Variants in CACNG4 observed in about 807,000 individuals in gnomAD.
The protein encoded by CACNG4 is calcium voltage-gated channel auxiliary subunit gamma 4.
In CACNG4, 8 loss-of-function variants were observed where a neutral mutation model predicts 22.9. The observed-to-expected ratio is 0.35, with a 90% CI of 0.21 to 0.63. The LOEUF (loss-of-function observed/expected upper bound fraction) is 0.63. Among genes scored for constraint, CACNG4 ranks in the 30% least tolerant of loss-of-function variants. The pLI is 0.72. For missense variants in CACNG4, 357 were observed against 455.4 expected (o/e 0.78, Z 1.97); for synonymous variants, 188 against 191.9 (o/e 0.98, Z 0.17).
chr17:67,024,828 C>T, intron 2 of CACNG4, 32 bp from the exon 3 acceptor site: 1 of 1,499,282 alleles, frequency 6.7e-7, no homozygotes, highest in Non-Finnish European at 8.9e-7. Context: ...TCTCACTGCC[C>T]TCTGCTTTGT....
chr17:66,981,409 C>T (rs544892070), intron 1 of CACNG4, among the ~76,000 whole-genome samples: 1 of 152,258 alleles, frequency 6.6e-6, no homozygotes, highest in East Asian at 1.9e-4. Context: ...CCTTCATATT[C>T]TTGCAAGCAG....
chr17:67,030,334 A>C lies in CACNG4; in HGVS notation c.446-132A>C, dbSNP rs2035595250. On this transcript the variant is annotated intron_variant, in intron 3 of 3. Coordinates refer to ENST00000262138, the MANE Select transcript of CACNG4 (RefSeq NM_014405.4). The surrounding 1 kb of genome is among the most constrained non-coding windows in gnomAD (Gnocchi z 6.4). The stretch of plus-strand genomic sequence containing the variant: ...TTAATTACTGAAAAGAAAAATTAGC[A>C]ACCAGAATAAAGAAATACTCATCAG... 1 of 766,878 alleles carries C rather than the reference A, an allele frequency of 1.3e-6. No individual in the cohort carries two copies. Among genetic ancestry groups the C allele is most frequent in the African/African-American group, 1.7e-5 (1 of 57,354 alleles). The allele number at this position is 766,878 out of a possible 1,614,324, so 47.5% of individuals were successfully genotyped here. A position where few individuals can be genotyped will look rare whatever the true frequency, so the allele number is the denominator to read the frequency against.
intron 1 of CACNG4, among the ~76,000 whole-genome samples, chr17:67,005,974 A>T (rs2035435107): frequency 6.6e-6 from 1 of 152,174 alleles, no homozygotes; most frequent in Admixed American, 6.5e-5. Context: ...CAGAGGTGAG[A>T]GGTGAGGCAG....
rs200470230 is a variant in CACNG4 at position 67,025,031 on chromosome 17, C to T, written c.445+31C>T. ...CCGCCCGCCCGGGCTGGTGCTGGGC[C>T]GGGAGCTGGGGACACAGGAGTGCCT... is the stretch of plus-strand genomic sequence containing the variant. On this transcript the variant is annotated intron_variant, in intron 3 of 3. Coordinates refer to ENST00000262138, the MANE Select transcript of CACNG4 (RefSeq NM_014405.4). 152 of 1,554,544 alleles carry T rather than the reference C, an allele frequency of 9.8e-5. 1 individual carries two copies. Among genetic ancestry groups the T allele is most frequent in the Admixed American group, 9.2e-4 (50 of 54,630 alleles).
In CACNG4 at chr17:66,966,876, T is replaced by C. The variant is rs72846228; in HGVS notation, c.220+1745T>C. On this transcript the variant is annotated intron_variant, in intron 1 of 3. Coordinates refer to ENST00000262138, the MANE Select transcript of CACNG4 (RefSeq NM_014405.4). Reference sequence around the variant, plus strand: ...TGCAATTGCTCAGATCACGAACACCTACTCCTCTCCTCTGGAGAATGTACC... The same window carrying C: ...TGCAATTGCTCAGATCACGAACACCCACTCCTCTCCTCTGGAGAATGTACC... 9.3e-3 allele frequency among the ~76,000 whole-genome samples: 1,422 copies of C among 152,330 alleles called. 17 individuals carry two copies. The highest frequency in any genetic ancestry group is 0.032 in the African/African-American group (1,310 of 41,572).
chr17:67,022,138 C>T (rs1218556058), intron 2 of CACNG4, among the ~76,000 whole-genome samples: 3 of 150,712 alleles, frequency 2.0e-5, no homozygotes, highest in Non-Finnish European at 2.9e-5. Flanking sequence ...TGCAGTGGCG[C>T]GATCTTGGCT....
At chr17:67,009,897 A>G (rs1454773896) in intron 1 of CACNG4, among the ~76,000 whole-genome samples, 1 of 152,110 alleles carries the variant, frequency 6.6e-6, no homozygotes, top group Non-Finnish European at 1.5e-5. Flanking sequence ...AGAGGACACA[A>G]ATATTCAGAC....
chr17:66,976,575 C>T (rs1052818605), intron 1 of CACNG4, among the ~76,000 whole-genome samples: 3 of 149,634 alleles, frequency 2.0e-5, no homozygotes, highest in African/African-American at 7.5e-5. Context: ...TCCCTCCCTG[C>T]ATCTTCCATT....
At chr17:67,025,741 C>T (rs1046041987) in intron 3 of CACNG4, among the ~76,000 whole-genome samples, 4 of 152,382 alleles carry the variant, frequency 2.6e-5, no homozygotes, top group South Asian at 2.1e-4. Context: ...GTGCCGCACA[C>T]GTGGGCCTCC....
chr17:67,013,719 T>C (rs1282248642), intron 1 of CACNG4, among the ~76,000 whole-genome samples: 1 of 151,702 alleles, frequency 6.6e-6, no homozygotes, highest in Non-Finnish European at 1.5e-5. Context: ...GCAGGAGAAT[T>C]GGTTGAACCC....
chr17:66,997,029 A>T (rs1224942911), intron 1 of CACNG4, among the ~76,000 whole-genome samples: 1 of 152,148 alleles, frequency 6.6e-6, no homozygotes, highest in Non-Finnish European at 1.5e-5. Context: ...TGGGGCCAGC[A>T]ACAGGACTCA....
At chr17:67,021,518 G>A (rs1298380046) in intron 2 of CACNG4, 1 of 152,298 alleles carries the variant, frequency 6.6e-6, no homozygotes, top group East Asian at 1.9e-4. Context: ...TGTGTTGTTT[G>A]TTGCAGAGCC....
At chr17:66,970,435 T>C (rs1179030882) in intron 1 of CACNG4, among the ~76,000 whole-genome samples, 2 of 152,150 alleles carry the variant, frequency 1.3e-5, no homozygotes, top group African/African-American at 4.8e-5. Context: ...CAGTTCCTGG[T>C]GAGGTCCCTC....
intron 1 of CACNG4, among the ~76,000 whole-genome samples, chr17:66,968,737 C>T (rs1246331456): frequency 8.5e-6 from 1 of 117,856 alleles, no homozygotes; most frequent in Non-Finnish European, 1.8e-5. Context: ...TCCTCTCCTC[C>T]CCTCCCCTTC....
At chr17:67,028,694 A>G (rs2035583791) in intron 3 of CACNG4, among the ~76,000 whole-genome samples, 1 of 152,230 alleles carries the variant, frequency 6.6e-6, no homozygotes, top group Admixed American at 6.5e-5. Flanking sequence ...TGAGGTGTGG[A>G]CCACAGTTAC....
At chr17:66,991,696 G>A (rs1197700933) in intron 1 of CACNG4, among the ~76,000 whole-genome samples, 1 of 152,130 alleles carries the variant, frequency 6.6e-6, no homozygotes, top group Non-Finnish European at 1.5e-5. Context: ...TTAACCCTGA[G>A]TAAGACCTGA....
rs1334779642 is a variant in CACNG4, at chr17:67,030,774, G to T, written c.754G>T (p.Ala252Ser). 6.2e-7 allele frequency: 1 copy of T among 1,614,180 alleles called. No individual in the cohort carries two copies. ...GAGGTCCAGCTCAAGGTCCACCGAGGCCTCGCCCTCCAGGGACGTGTCGCC... is the reference window on the plus strand; with the variant it reads ...GAGGTCCAGCTCAAGGTCCACCGAGTCCTCGCCCTCCAGGGACGTGTCGCC... ...RSRSSSRSTE[A>S]SPSRDVSPMG... The change falls in exon 4 of 4, where the codon GCC becomes TCC. Residue 252 changes from alanine (A) to serine (S), a missense_variant. By Grantham distance (99) the Ala-to-Ser change is moderately conservative (BLOSUM62 1). Coordinates refer to ENST00000262138, the MANE Select transcript of CACNG4 (RefSeq NM_014405.4). The surrounding 1 kb of genome is among the most constrained non-coding windows in gnomAD (Gnocchi z 6.4).
At chr17:66,978,870 G>A (rs1235795097) in intron 1 of CACNG4, among the ~76,000 whole-genome samples, 3 of 152,244 alleles carry the variant, frequency 2.0e-5, no homozygotes, top group Non-Finnish European at 4.4e-5. Context: ...ATTCCTGAGC[G>A]TGAGTGGAGG....
In CACNG4 at chr17:67,030,183, AT is replaced by A. The variant is rs543907094; in HGVS notation, c.446-275del. Among the ~76,000 whole-genome samples, 1 of 151,704 alleles carries A rather than the reference AT, an allele frequency of 6.6e-6. No individual in the cohort carries two copies. Among genetic ancestry groups the A allele is most frequent in the Non-Finnish European group, 1.5e-5 (1 of 67,954 alleles). On this transcript the variant is annotated intron_variant, in intron 3 of 3. Coordinates refer to ENST00000262138, the MANE Select transcript of CACNG4 (RefSeq NM_014405.4). This position sits in a 1 kb window ranked among gnomAD's most constrained non-coding sequence, Gnocchi z 6.4. Reference sequence around the variant, plus strand: ...TGTGTGTGTGTGTGTGAAGAGAGAAATTTTTTTTCTGGAAGGACATACGAAA... The same window carrying A: ...TGTGTGTGTGTGTGTGAAGAGAGAAATTTTTTTCTGGAAGGACATACGAAA...
Sources: gnomAD v4.1 joint callset for allele counts (sites outside exome capture counted in the v4.1 genomes callset) on GRCh38, gnomAD v4.1.1 for gene constraint, Gnocchi (gnomAD v3.1) non-coding constraint, MANE v1.5 for transcripts, NCBI Gene and HGNC (gene_info 2026-07-23, HGNC 2026-07-21) for gene names.